ENAM: variants seen among roughly 807,000 people sequenced by gnomAD.
ENAM encodes enamelin.
ENAM carries 21 observed loss-of-function variants against 33.6 expected under a neutral mutation model. That is an observed-to-expected ratio of 0.63 (90% CI 0.44 to 0.90). The LOEUF is 0.90. Ranked by LOEUF, ENAM falls within the 40% of genes least tolerant of loss-of-function variation. The pLI is 0.00. For missense variants in ENAM, 1,388 were observed against 1,366.9 expected (o/e 1.02, Z -0.24); for synonymous variants, 473 against 468.4 (o/e 1.01, Z -0.13).
chr4:70,643,775 C>A lies in ENAM; in HGVS notation c.2349C>A (p.Asn783Lys), dbSNP rs755453924. ...QGQRERRPYF[N>K]RNIWDQATHL... Reference sequence around the variant, plus strand: ...AGAGAGAAAGAAGGCCGTATTTTAACAGAAATATCTGGGATCAGGCAACAC... The same window carrying A: ...AGAGAGAAAGAAGGCCGTATTTTAAAAGAAATATCTGGGATCAGGCAACAC... Residue 783 changes from asparagine to lysine, a missense_variant, in exon 9 of 9, where the codon AAC becomes AAA. Coordinates refer to ENST00000396073, the MANE Select transcript of ENAM (RefSeq NM_031889.3). The A allele has an allele frequency of 8.7e-6, 14 of 1,614,148 alleles. No individual in the cohort carries two copies. Among genetic ancestry groups the A allele is most frequent in the Non-Finnish European group, 1.0e-5 (12 of 1,180,014 alleles).
chr4:70,634,056 T>C (rs930627031), intron 5 of ENAM, among the ~76,000 whole-genome samples: 1 of 152,216 alleles, frequency 6.6e-6, no homozygotes, highest in African/African-American at 2.4e-5. Flanking sequence ...AGTCAAATTC[T>C]TAAACTGAGA....
chr4:70,634,062 T>G (rs1738389018), intron 5 of ENAM, among the ~76,000 whole-genome samples: 1 of 152,202 alleles, frequency 6.6e-6, no homozygotes, highest in Non-Finnish European at 1.5e-5. Context: ...ATTCTTAAAC[T>G]GAGATTTCCC....
chr4:70,644,491 G>T lies in ENAM; in HGVS notation c.3065G>T (p.Gly1022Val), dbSNP rs556253149. 1.2e-6 allele frequency: 2 copies of T among 1,614,092 alleles called. No individual in the cohort carries two copies. Among genetic ancestry groups the T allele is most frequent in the South Asian group, 2.2e-5 (2 of 91,078 alleles). ...CTTACTCCTGAGCAGCTTGTTATTG[G>T]TACACCTGATGAAGGCTCCAATCCA... ...VDLTPEQLVI[G>V]TPDEGSNPEG... Residue 1022 changes from glycine (G) to valine (V), a missense_variant, in exon 9 of 9, where the codon GGT becomes GTT. Physicochemically the swap from Gly to Val is moderately radical, Grantham distance 109 (BLOSUM62 -3). Coordinates refer to ENST00000396073, the MANE Select transcript of ENAM (RefSeq NM_031889.3).
rs768642531 is a variant in ENAM at position 70,642,263 on chromosome 4, T to A, written c.837T>A (p.Thr279=). 5.0e-6 allele frequency: 8 copies of A among 1,613,974 alleles called. No individual in the cohort carries two copies. Among genetic ancestry groups the A allele is most frequent in the African/African-American group, 1.3e-5 (1 of 74,880 alleles). The change falls in exon 9 of 9, where the codon ACT becomes ACA. Residue 279 remains threonine, a synonymous_variant. Transcript: ENST00000396073. ...PTGNSTPGLN[T]GNNPPAQNGI... ...GAAACAGTACCCCAGGACTAAACACTGGGAACAACCCTCCAGCTCAAAATG... is the reference window on the plus strand; with the variant it reads ...GAAACAGTACCCCAGGACTAAACACAGGGAACAACCCTCCAGCTCAAAATG...
chr4:70,640,759 C>T (rs1171258144), intron 8 of ENAM, among the ~76,000 whole-genome samples: 1 of 151,992 alleles, frequency 6.6e-6, no homozygotes, highest in Non-Finnish European at 1.5e-5. Context: ...ACTGGTGGAA[C>T]GGGGATTTTA....
At chr4:70,639,833 G>A (rs1738554234) in intron 8 of ENAM, among the ~76,000 whole-genome samples, 1 of 151,976 alleles carries the variant, frequency 6.6e-6, no homozygotes, top group South Asian at 2.1e-4. Context: ...AGGCTGCAGG[G>A]AACCCTGATC....
intron 7 of ENAM, chr4:70,637,515 TAAG>T (rs1738483771): frequency 4.4e-6 from 2 of 455,012 alleles, no homozygotes; most frequent in African/African-American, 2.0e-5. Flanking sequence ...TTGGAGGTGG[TAAG>T]GAGGATTGCC....
intron 2 of ENAM, 125 bp from the exon 3 acceptor site, chr4:70,631,545 G>T: frequency 1.3e-6 from 1 of 742,672 alleles, no homozygotes; most frequent in Non-Finnish European, 2.4e-6. Flanking sequence ...AAAACTGGCA[G>T]CAGGGGCCCC....
chr4:70,641,323 G>A (rs952067191), intron 8 of ENAM, among the ~76,000 whole-genome samples: 3 of 151,984 alleles, frequency 2.0e-5, no homozygotes, highest in African/African-American at 7.2e-5. Context: ...CCTATTAAAA[G>A]CATGGGCTGA....
chr4:70,638,741 C>T (rs867675722), intron 8 of ENAM, among the ~76,000 whole-genome samples: 15 of 151,658 alleles, frequency 9.9e-5, no homozygotes, highest in Non-Finnish European at 1.5e-4. Context: ...TGCTCCTCTG[C>T]TCAGTCCCTG....
At position 70,645,077 on chromosome 4, in the gene ENAM, A is replaced by G. The variant is rs1161162098; in HGVS notation, c.*222A>G. The G allele has an allele frequency of 5.2e-5, 29 of 560,124 alleles. No homozygotes were observed. The East Asian group carries it at 7.8e-4, about 15-fold the overall frequency. The allele number at this position is 560,124 out of a possible 1,614,324, so 34.7% of individuals were successfully genotyped here. On this transcript the variant is annotated 3_prime_UTR_variant, in exon 9 of 9. Coordinates refer to ENST00000396073, the MANE Select transcript of ENAM (RefSeq NM_031889.3). ...ACTTTCACAGATTAGTGCAGACCTT[A>G]AAAAAGCAAGAAGGCCATGACCATC...
intron 5 of ENAM, 34 bp from the exon 6 acceptor site, chr4:70,634,274 A>G (rs776689511): frequency 4.4e-6 from 7 of 1,608,872 alleles, no homozygotes; most frequent in Admixed American, 1.7e-5. Context: ...TCACAGCTCT[A>G]TTATGATTTC....
Position 70,643,854 on chromosome 4 carries a change from T to G in ENAM, c.2428T>G (p.Tyr810Asp), listed in dbSNP as rs778191381. ...PPDQKGNQPY[Y>D]SNTPAGLQKN... ...AGACCAGAAAGGTAACCAGCCCTATTACAGTAACACCCCAGCTGGGCTTCA... is the reference window on the plus strand; with the variant it reads ...AGACCAGAAAGGTAACCAGCCCTATGACAGTAACACCCCAGCTGGGCTTCA... Residue 810 changes from tyrosine to aspartate, a missense_variant, in exon 9 of 9, where the codon TAC becomes GAC. Tyr to Asp is a radical substitution (Grantham distance 160). Transcript: ENST00000396073. The G allele has an allele frequency of 6.2e-7, 1 of 1,614,136 alleles. No individual in the cohort carries two copies. Among genetic ancestry groups the G allele is most frequent in the East Asian group, 2.2e-5 (1 of 44,874 alleles).
In ENAM at chr4:70,643,948, C is replaced by T; in HGVS notation, c.2522C>T (p.Pro841Leu). 6.2e-7 allele frequency: 1 copy of T among 1,614,050 alleles called. No individual in the cohort carries two copies. Among genetic ancestry groups the T allele is most frequent in the Non-Finnish European group, 8.5e-7 (1 of 1,179,968 alleles). ...ATGCAAATAACTAGGATGAATTCTCCAGAGAGAGAACATTCATCTTTCCCT... is the reference window on the plus strand; with the variant it reads ...ATGCAAATAACTAGGATGAATTCTCTAGAGAGAGAACATTCATCTTTCCCT... ...YGMQITRMNS[P>L]EREHSSFPNF... is the part of the protein sequence containing the mutation. The change falls in exon 9 of 9, where the codon CCA becomes CTA. Residue 841 changes from proline (P) to leucine (L), a missense_variant. By Grantham distance (98) the Pro-to-Leu change is moderately conservative (BLOSUM62 -3). Coordinates refer to ENST00000396073, the MANE Select transcript of ENAM (RefSeq NM_031889.3).
chr4:70,634,339 G>A lies in ENAM; in HGVS notation c.242G>A (p.Gly81Asp). 6.2e-7 allele frequency: 1 copy of A among 1,613,980 alleles called. No homozygotes were observed. The highest frequency in any genetic ancestry group is 8.5e-7 in the Non-Finnish European group (1 of 1,179,966). Reference protein sequence around the residue: ...MAHLGPFFGNGLPQQFPQYQM... With the variant: ...MAHLGPFFGNDLPQQFPQYQM... ...CACCTGGGGCCCTTCTTTGGAAACG[G>A]TCTCCCTCAGCAATTTCCACAGTAC... Residue 81 changes from glycine to aspartate, a missense_variant, in exon 6 of 9, where the codon GGT becomes GAT. Gly to Asp is a moderately conservative substitution (Grantham distance 94). Transcript: ENST00000396073.
chr4:70,632,695 A>G lies in ENAM; in HGVS notation c.210+3A>G, dbSNP rs1471634418. On this transcript the variant is annotated splice_donor_region_variant and intron_variant, in intron 5 of 8. Transcript: ENST00000396073. ...TCAACTTTATGAACGGCCCACATGT[A>G]AGTTTTTCTTTATGTTATTTCTGAT... The G allele has an allele frequency of 2.5e-6, 4 of 1,590,648 alleles. No homozygotes were observed. The highest frequency in any genetic ancestry group is 3.5e-6 in the Non-Finnish European group (4 of 1,158,980).
Position 70,644,986 on chromosome 4 carries a change from C to A in ENAM, c.*131C>A. The stretch of plus-strand genomic sequence containing the variant: ...TGGTGATCCTTAAGTTTTCTCCCCT[C>A]TCAGCAATAGGAGTAGCGACCCAGG... On this transcript the variant is annotated 3_prime_UTR_variant, in exon 9 of 9. Transcript: ENST00000396073. The A allele has an allele frequency of 2.6e-6, 2 of 781,122 alleles. No homozygotes were observed. The highest frequency in any genetic ancestry group is 4.4e-6 in the Non-Finnish European group (2 of 455,852). 48.4% of individuals were successfully genotyped at this position (781,122 alleles called of 1,614,324 possible). A position where few individuals can be genotyped will look rare whatever the true frequency, so the allele number is the denominator to read the frequency against.
chr4:70,634,222 T>G, intron 5 of ENAM, 86 bp from the exon 6 acceptor site: 4 of 1,358,118 alleles, frequency 2.9e-6, no homozygotes, highest in African/African-American at 1.4e-5. Flanking sequence ...GCTCTTTGGC[T>G]GAGTTTTAGA....
rs775645248 is a variant in ENAM, at chr4:70,634,297, T to C, written c.211-11T>C. 3 of 1,613,706 alleles carry C rather than the reference T, an allele frequency of 1.9e-6. No individual in the cohort carries two copies. Among genetic ancestry groups the C allele is most frequent in the East Asian group, 4.5e-5 (2 of 44,882 alleles). On this transcript the variant is annotated splice_polypyrimidine_tract_variant and intron_variant, in intron 5 of 8. Coordinates refer to ENST00000396073, the MANE Select transcript of ENAM (RefSeq NM_031889.3). The stretch of plus-strand genomic sequence containing the variant: ...CTATTATGATTTCACTATTATTTGC[T>C]ACCCTTTCAGATGGCACACCTGGGG...
Sources: allele counts gnomAD v4.1 joint callset (sites outside exome capture counted in the v4.1 genomes callset), GRCh38; gene constraint gnomAD v4.1.1; transcripts MANE v1.5; gene names NCBI Gene and HGNC (gene_info 2026-07-23, HGNC 2026-07-21).